INTS13: variants seen among roughly 807,000 people sequenced by gnomAD.
The protein encoded by INTS13 is asunder, spermatogenesis regulator homolog (Drosphila).
INTS13 carries 35 observed loss-of-function variants against 90.2 expected under a neutral mutation model. The ratio of observed to expected loss-of-function variants is 0.39; its 90% CI spans 0.30 to 0.51. The LOEUF (loss-of-function observed/expected upper bound fraction) is 0.51, where lower values mean the gene tolerates loss of function less well. Among genes scored for constraint, INTS13 ranks in the 20% least tolerant of loss-of-function variants. The probability of loss-of-function intolerance (pLI) is 0.80; values close to 1 mark genes in which losing one functional copy is unlikely to be tolerated. For missense variants in INTS13, 601 were observed against 851.2 expected, an observed-to-expected ratio of 0.71 and a Z score of 3.66; for synonymous variants, 309 against 277.1, an observed-to-expected ratio of 1.11 and a Z score of -1.14.
intron 3 of INTS13, among the ~76,000 whole-genome samples, chr12:26,929,226 T>C (rs1229996149): frequency 6.6e-6 from 1 of 152,108 alleles, no homozygotes; most frequent in Non-Finnish European, 1.5e-5. Context: ...CTTTTCATAA[T>C]TAAAAAAATT....
chr12:26,936,454 C>T (rs567197907), intron 2 of INTS13, 125 bp downstream of exon 2: 6 of 677,870 alleles, frequency 8.9e-6, no homozygotes, highest in South Asian at 2.0e-5. Flanking sequence ...CAAAGGGCAG[C>T]GTTATGTACC....
intron 11 of INTS13, among the ~76,000 whole-genome samples, chr12:26,915,097 G>T (rs1336146702): frequency 6.6e-6 from 1 of 152,034 alleles, no homozygotes; most frequent in African/African-American, 2.4e-5. Context: ...ATGGTGGCAG[G>T]CGCCTATAAT....
Position 26,911,237 on chromosome 12 carries a change from G to T in INTS13, c.1886C>A (p.Pro629His), listed in dbSNP as rs1223870576. The T allele has an allele frequency of 6.2e-7, 1 of 1,613,822 alleles. No homozygotes were observed. ...IIKDSPDSPE[P>H]PNKKPLVEMD... ...TTCAACAAGGGGTTTTTTGTTTGGA[G>T]GTTCTGGGGAATCAGGCGAATCTTT... Residue 629 changes from proline to histidine, a missense_variant, in exon 15 of 17, where the codon CCT (proline) becomes CAT (histidine). Physicochemically the swap from Pro to His is moderately conservative, Grantham distance 77. Transcript: ENST00000261191.
chr12:26,911,450 C>T (rs899884001), intron 14 of INTS13, 133 bp from the exon 15 acceptor site: 2 of 596,806 alleles, frequency 3.4e-6, no homozygotes, highest in Admixed American at 8.4e-5. Flanking sequence ...AGGGACTAAT[C>T]AAAAATCTCA....
intron 8 of INTS13, among the ~76,000 whole-genome samples, chr12:26,921,741 C>T (rs958933913): frequency 5.3e-5 from 8 of 152,146 alleles, no homozygotes; most frequent in Middle Eastern, 3.2e-3. Context: ...CTGCAACCTC[C>T]GCCTCCCAGG....
intron 8 of INTS13, chr12:26,919,187 GAAA>G (rs112449459): frequency 2.7e-5 from 4 of 149,928 alleles, no homozygotes; most frequent in East Asian, 3.7e-4. Flanking sequence ...AAGAAAAAAA[GAAA>G]AAAAAAAAGA....
At chr12:26,909,590 A>G (rs911693800) in intron 15 of INTS13, among the ~76,000 whole-genome samples, 6 of 149,394 alleles carry the variant, frequency 4.0e-5, no homozygotes, top group African/African-American at 1.5e-4. Flanking sequence ...AGTTCTATTT[A>G]CCAAGCAATG....
At chr12:26,921,112 T>C (rs1227211311) in intron 8 of INTS13, among the ~76,000 whole-genome samples, 1 of 152,236 alleles carries the variant, frequency 6.6e-6, no homozygotes, top group Non-Finnish European at 1.5e-5. Flanking sequence ...CATCTTTCAT[T>C]CATAAGCATG....
intron 3 of INTS13, among the ~76,000 whole-genome samples, chr12:26,931,678 T>C (rs1345922662): frequency 6.6e-6 from 1 of 152,212 alleles, no homozygotes; most frequent in Non-Finnish European, 1.5e-5. Context: ...CATAAGCTAC[T>C]AGTAACTCAG....
chr12:26,907,697 C>T (rs1425086515), intron 15 of INTS13, among the ~76,000 whole-genome samples: 1 of 152,154 alleles, frequency 6.6e-6, no homozygotes, highest in African/African-American at 2.4e-5. Flanking sequence ...CAACACAGAA[C>T]TTGTATCCAG....
intron 2 of INTS13, among the ~76,000 whole-genome samples, chr12:26,936,050 T>C (rs1938440540): frequency 6.6e-6 from 1 of 152,210 alleles, no homozygotes; most frequent in South Asian, 2.1e-4. Context: ...CAGTTTAGTA[T>C]ATATTTGCTA....
chr12:26,936,451 C>G (rs915877725), intron 2 of INTS13, 128 bp downstream of exon 2: 3 of 663,722 alleles, frequency 4.5e-6, no homozygotes, highest in African/African-American at 1.8e-5. Context: ...TCCCAAAGGG[C>G]AGCGTTATGT....
Position 26,924,392 on chromosome 12 carries a change from T to G in INTS13, c.767A>C (p.Asp256Ala). 6.2e-7 allele frequency: 1 copy of G among 1,613,188 alleles called. No homozygotes were observed. Among genetic ancestry groups the G allele is most frequent in the East Asian group, 2.2e-5 (1 of 44,812 alleles). The change falls in exon 7 of 17, where the codon GAC (aspartate) becomes GCC (alanine). Residue 256 changes from aspartate (D) to alanine (A), a missense_variant. Physicochemically the swap from Asp to Ala is moderately radical, Grantham distance 126. Transcript: ENST00000261191. ...ATTTGTAATAGTAGTTGAAGCCAAG[T>G]CAAAATGTTGCTGTACTAAAATATT... ...KLNILVQQHF[D>A]LASTTITNIP... is the part of the protein sequence containing the mutation.
intron 5 of INTS13, among the ~76,000 whole-genome samples, chr12:26,926,801 C>T (rs1426077451): frequency 6.6e-6 from 1 of 152,202 alleles, no homozygotes; most frequent in South Asian, 2.1e-4. Context: ...ATCTTTTCTT[C>T]TACTGAGGCA....
intron 14 of INTS13, among the ~76,000 whole-genome samples, chr12:26,913,251 T>G (rs1293215185): frequency 6.6e-6 from 1 of 152,158 alleles, no homozygotes; most frequent in Non-Finnish European, 1.5e-5. Flanking sequence ...TAACACTAAC[T>G]TTGCCCCAAC....
chr12:26,905,362 A>G lies in INTS13; in HGVS notation c.*135T>C. ...CAATTTTATAATTAGTACAAAAATG[A>G]CAGCTGAAATATTTTAAAAATGTAA... On this transcript the variant is annotated 3_prime_UTR_variant, in exon 17 of 17. Transcript: ENST00000261191. The G allele has an allele frequency of 1.4e-6, 1 of 726,646 alleles. No homozygotes were observed. The highest frequency in any genetic ancestry group is 2.2e-6 in the Non-Finnish European group (1 of 452,118). 45.0% of individuals were successfully genotyped at this position (726,646 alleles called of 1,614,324 possible). A position where few individuals can be genotyped will look rare whatever the true frequency, so the allele number is the denominator to read the frequency against.
At chr12:26,929,274 A>G (rs1483841108) in intron 3 of INTS13, among the ~76,000 whole-genome samples, 1 of 152,222 alleles carries the variant, frequency 6.6e-6, no homozygotes, top group Non-Finnish European at 1.5e-5. Context: ...GATAAAGGAC[A>G]CCTATGAAAA....
In INTS13 at chr12:26,905,474, A is replaced by C; in HGVS notation, c.*23T>G. 1 of 1,607,226 alleles carries C rather than the reference A, an allele frequency of 6.2e-7. No individual in the cohort carries two copies. The highest frequency in any genetic ancestry group is 8.5e-7 in the Non-Finnish European group (1 of 1,176,936). On this transcript the variant is annotated 3_prime_UTR_variant, in exon 17 of 17. Coordinates refer to ENST00000261191, the MANE Select transcript of INTS13 (RefSeq NM_018164.3). ...CACAAAATATTTTTGCAATATGCTA[A>C]ATTTAGTTCTTCAAGTCACTCTTCA... is the stretch of plus-strand genomic sequence containing the variant.
At chr12:26,910,118 G>A (rs1174791803) in intron 15 of INTS13, among the ~76,000 whole-genome samples, 1 of 152,082 alleles carries the variant, frequency 6.6e-6, no homozygotes, top group East Asian at 1.9e-4. Flanking sequence ...AGATTAAGAG[G>A]CTTTACAGTG....
Sources: allele counts gnomAD v4.1 joint callset (sites outside exome capture counted in the v4.1 genomes callset), GRCh38; gene constraint gnomAD v4.1.1; transcripts MANE v1.5; gene names NCBI Gene and HGNC (gene_info 2026-07-23, HGNC 2026-07-21).